The following FBXO45 variants were observed in gnomAD, a reference collection of about 807,000 sequenced individuals.
FBXO45 encodes the protein F-box protein 45.
In FBXO45, 3 loss-of-function variants were observed where a neutral mutation model predicts 25.5. That is an observed-to-expected ratio of 0.12 (90% CI 0.05 to 0.30). The LOEUF (loss-of-function observed/expected upper bound fraction) is 0.30. Ranked by LOEUF, FBXO45 falls within the 10% of genes least tolerant of loss-of-function variation. FBXO45 has a pLI of 1.00. For synonymous variants in FBXO45, 155 were observed against 149.8 expected (o/e 1.03, Z -0.25); for missense variants, 219 against 365.0 (o/e 0.60, Z 3.26).
chr3:196,577,659 A>G lies in FBXO45; in HGVS notation c.525A>G (p.Thr175=), dbSNP rs1363457069. Residue 175 remains threonine, a synonymous_variant, in exon 2 of 3, where the codon ACA becomes ACG. Coordinates refer to ENST00000311630, the MANE Select transcript of FBXO45 (RefSeq NM_001105573.2). ...CTGTGGCAGTGATTGGAATTGCCAC[A>G]AAACGGGCCCCCATGCAGTGCCAAG... is the stretch of plus-strand genomic sequence containing the variant. ...LGTVAVIGIA[T]KRAPMQCQGY... 1.6e-5 allele frequency: 26 copies of G among 1,613,672 alleles called. No individual in the cohort carries two copies. The highest frequency in any genetic ancestry group is 1.9e-5 in the Non-Finnish European group (23 of 1,179,766).
chr3:196,581,402 T>C (rs1485485482), intron 2 of FBXO45, among the ~76,000 whole-genome samples: 1 of 151,366 alleles, frequency 6.6e-6, no homozygotes, highest in Non-Finnish European at 1.5e-5. Flanking sequence ...AGCTAATTTT[T>C]GTATTTTTAG....
intron 1 of FBXO45, among the ~76,000 whole-genome samples, chr3:196,572,125 T>C (rs1489342797): frequency 2.0e-5 from 3 of 152,216 alleles, no homozygotes; most frequent in African/African-American, 7.2e-5. Context: ...TTTAGTATTT[T>C]AGGAAGAGGA....
intron 1 of FBXO45, among the ~76,000 whole-genome samples, chr3:196,577,168 AG>A (rs1166842823): frequency 6.6e-6 from 1 of 152,216 alleles, no homozygotes; most frequent in Non-Finnish European, 1.5e-5. Context: ...GTAAGATATA[AG>A]GATTTTTCTT....
In FBXO45 at chr3:196,584,511, A is replaced by G. The variant is rs534323236; in HGVS notation, c.*193A>G. 5 of 526,542 alleles carry G rather than the reference A, an allele frequency of 9.5e-6. No homozygotes were observed. The East Asian group carries it at 1.7e-4, about 18-fold the overall frequency. The allele number at this position is 526,542 out of a possible 1,614,324, so 32.6% of individuals were successfully genotyped here. On this transcript the variant is annotated 3_prime_UTR_variant, in exon 3 of 3. Transcript: ENST00000311630. This position sits in a 1 kb window ranked among gnomAD's most constrained non-coding sequence, Gnocchi z 4.3. ...TTTCTACTGGGCCAGAAAAATCCTC[A>G]GGGTTGCAGTTGGTTGAGTGGGCAG...
chr3:196,584,382 T>C lies in FBXO45; in HGVS notation c.*64T>C. 1 of 1,405,886 alleles carries C rather than the reference T, an allele frequency of 7.1e-7. No homozygotes were observed. Among genetic ancestry groups the C allele is most frequent in the South Asian group, 1.4e-5 (1 of 69,700 alleles). The allele number at this position is 1,405,886 out of a possible 1,614,324, so 87.1% of individuals were successfully genotyped here. On this transcript the variant is annotated 3_prime_UTR_variant, in exon 3 of 3. Coordinates refer to ENST00000311630, the MANE Select transcript of FBXO45 (RefSeq NM_001105573.2). The surrounding 1 kb of genome is among the most constrained non-coding windows in gnomAD (Gnocchi z 4.3). ...GATCTGCTTATGGGAAGTAGAACCATGAAGTGACTGTCACACATGCATGTC... is the reference window on the plus strand; with the variant it reads ...GATCTGCTTATGGGAAGTAGAACCACGAAGTGACTGTCACACATGCATGTC...
intron 2 of FBXO45, among the ~76,000 whole-genome samples, chr3:196,581,251 T>TTG (rs1736008013): frequency 7.4e-6 from 1 of 135,376 alleles, no homozygotes; most frequent in Non-Finnish European, 1.5e-5. Context: ...TTTTTTTTTT[T>TTG]GAGACAGTCT....
rs1338556201 is a variant in FBXO45 at position 196,586,866 on chromosome 3, T to G, written c.*2548T>G. ...CTGCCAAGGTTGAGAACCACTGTTGTAAAATTCACCTTGAGTTTTCTCATC... is the reference window on the plus strand; with the variant it reads ...CTGCCAAGGTTGAGAACCACTGTTGGAAAATTCACCTTGAGTTTTCTCATC... On this transcript the variant is annotated 3_prime_UTR_variant, in exon 3 of 3. Transcript: ENST00000311630. 2 of 151,638 alleles carry G rather than the reference T, an allele frequency of 1.3e-5. No homozygotes were observed. The highest frequency in any genetic ancestry group is 2.9e-5 in the Non-Finnish European group (2 of 68,000). The allele number at this position is 151,638 out of a possible 1,614,324, so 9.4% of individuals were successfully genotyped here.
chr3:196,574,581 C>A (rs1319235550), intron 1 of FBXO45, among the ~76,000 whole-genome samples: 1 of 152,178 alleles, frequency 6.6e-6, no homozygotes, highest in Non-Finnish European at 1.5e-5. Context: ...TCATTATCAT[C>A]GTGTTGCTTG....
intron 1 of FBXO45, among the ~76,000 whole-genome samples, chr3:196,575,348 C>T (rs938324275): frequency 1.3e-5 from 2 of 150,246 alleles, no homozygotes; most frequent in African/African-American, 2.4e-5. Flanking sequence ...CCCAGCTACT[C>T]GGGGGAGGCT....
intron 1 of FBXO45, among the ~76,000 whole-genome samples, chr3:196,571,679 C>A (rs1735828582): frequency 6.6e-6 from 1 of 152,184 alleles, no homozygotes; most frequent in African/African-American, 2.4e-5. Flanking sequence ...TCCTTTCATC[C>A]TTGTCGCTCA....
chr3:196,584,831 T>A lies in FBXO45; in HGVS notation c.*513T>A, dbSNP rs1281387343. Reference sequence around the variant, plus strand: ...ACTGCACTTCTCTAAAAGTGAGATATAAAATTGTGCAGCTATTTTAAAAGT... The same window carrying A: ...ACTGCACTTCTCTAAAAGTGAGATAAAAAATTGTGCAGCTATTTTAAAAGT... On this transcript the variant is annotated 3_prime_UTR_variant, in exon 3 of 3. Coordinates refer to ENST00000311630, the MANE Select transcript of FBXO45 (RefSeq NM_001105573.2). The surrounding 1 kb of genome is among the most constrained non-coding windows in gnomAD (Gnocchi z 4.3). The A allele has an allele frequency of 6.6e-6, 1 of 151,826 alleles. No individual in the cohort carries two copies. Among genetic ancestry groups the A allele is most frequent in the East Asian group, 1.9e-4 (1 of 5,194 alleles). The allele number at this position is 151,826 out of a possible 1,614,324, so 9.4% of individuals were successfully genotyped here.
Position 196,584,204 on chromosome 3 carries a change from C to T in FBXO45, c.747C>T (p.Phe249=). ...KTLAFERGYE[F]LGVAFRGLPK... ...TAGCTTTTGAACGTGGATATGAGTT[C>T]CTGGGGGTTGCTTTTAGAGGACTTC... Residue 249 remains phenylalanine (F), a synonymous_variant, in exon 3 of 3, where the codon TTC becomes TTT. Transcript: ENST00000311630. This position sits in a 1 kb window ranked among gnomAD's most constrained non-coding sequence, Gnocchi z 4.3. 1 of 1,613,872 alleles carries T rather than the reference C, an allele frequency of 6.2e-7. No individual in the cohort carries two copies. The highest frequency in any genetic ancestry group is 8.5e-7 in the Non-Finnish European group (1 of 1,179,866).
intron 2 of FBXO45, among the ~76,000 whole-genome samples, chr3:196,583,259 G>GGCTGAGC (rs1736047284): frequency 6.6e-6 from 1 of 152,110 alleles, no homozygotes; most frequent in Non-Finnish European, 1.5e-5. Flanking sequence ...TGTAATCCCA[G>GGCTGAGC]CACTTTGGGA....
In FBXO45 at chr3:196,583,156, G is replaced by C. The variant is rs78389020; in HGVS notation, c.676-977G>C. On this transcript the variant is annotated intron_variant, in intron 2 of 2. Coordinates refer to ENST00000311630, the MANE Select transcript of FBXO45 (RefSeq NM_001105573.2). ...CATTTCACTTAGCATAATATTTTCA[G>C]GGTCTATCTATGTTGTAGCATATAT... Among the ~76,000 whole-genome samples, 536 of 152,238 alleles carry C rather than the reference G, an allele frequency of 3.5e-3. 5 individuals are homozygous for C. Among genetic ancestry groups the C allele is most frequent in the African/African-American group, 0.012 (516 of 41,530 alleles).
intron 1 of FBXO45, among the ~76,000 whole-genome samples, chr3:196,572,369 A>G (rs1428789853): frequency 6.6e-6 from 1 of 152,242 alleles, no homozygotes; most frequent in Non-Finnish European, 1.5e-5. Flanking sequence ...AGTAGTATGA[A>G]GGAAAAATAC....
At position 196,568,870 on chromosome 3, in the gene FBXO45, A is replaced by T; in HGVS notation, c.-115A>T. 2.5e-6 allele frequency: 2 copies of T among 790,322 alleles called. No individual in the cohort carries two copies. Among genetic ancestry groups the T allele is most frequent in the Non-Finnish European group, 3.1e-6 (2 of 651,462 alleles). 49.0% of individuals were successfully genotyped at this position (790,322 alleles called of 1,614,324 possible). A position where few individuals can be genotyped will look rare whatever the true frequency, so the allele number is the denominator to read the frequency against. On this transcript the variant is annotated 5_prime_UTR_variant, in exon 1 of 3. Coordinates refer to ENST00000311630, the MANE Select transcript of FBXO45 (RefSeq NM_001105573.2). ...AGTGGTGGAGGCGCCGGCGGTTGGC[A>T]CTGACAGGGGCGGTGAGCGAGCCGC...
intron 2 of FBXO45, among the ~76,000 whole-genome samples, chr3:196,578,969 A>AC (rs1735963861): frequency 6.6e-6 from 1 of 151,982 alleles, no homozygotes; most frequent in Admixed American, 6.6e-5. Flanking sequence ...TAGGCTCCTT[A>AC]CCCCAGTAAA....
intron 2 of FBXO45, among the ~76,000 whole-genome samples, chr3:196,578,626 A>G (rs1735957709): frequency 6.6e-6 from 1 of 152,106 alleles, no homozygotes; most frequent in South Asian, 2.1e-4. Flanking sequence ...GCTGTATTCC[A>G]TAGACCTTAT....
intron 1 of FBXO45, among the ~76,000 whole-genome samples, chr3:196,570,421 G>C (rs1441924948): frequency 3.3e-5 from 5 of 151,594 alleles, no homozygotes; most frequent in Admixed American, 3.3e-4. Flanking sequence ...ATTTTTAGTA[G>C]AGTTGTGGTT....
Sources: gnomAD v4.1 joint callset for allele counts (sites outside exome capture counted in the v4.1 genomes callset) on GRCh38, gnomAD v4.1.1 for gene constraint, Gnocchi (gnomAD v3.1) non-coding constraint, MANE v1.5 for transcripts, NCBI Gene and HGNC (gene_info 2026-07-23, HGNC 2026-07-21) for gene names.